Variants in PDE10A observed in about 807,000 individuals in gnomAD.
PDE10A encodes the protein phosphodiesterase 10A.
PDE10A carries 39 observed loss-of-function variants against 97.7 expected under a neutral mutation model. The ratio of observed to expected loss-of-function variants is 0.40; its 90% CI spans 0.31 to 0.52. The LOEUF is 0.52. PDE10A is among the 20% of genes least tolerant of loss of function. The pLI is 0.56. For synonymous variants in PDE10A, 371 were observed against 376.8 expected, an observed-to-expected ratio of 0.98 and a Z score of 0.18; for missense variants, 731 against 1,047.8, an observed-to-expected ratio of 0.70 and a Z score of 4.17.
intron 1 of PDE10A, among the ~76,000 whole-genome samples, chr6:165,872,118 G>C (rs547606237): frequency 3.7e-4 from 56 of 152,242 alleles, no homozygotes; most frequent in South Asian, 4.2e-4. Context: ...GCCAGTTAGA[G>C]CATGCCTTTA....
chr6:165,502,419 G>A (rs1780944367), intron 2 of PDE10A, among the ~76,000 whole-genome samples: 1 of 152,110 alleles, frequency 6.6e-6, no homozygotes. Context: ...ATACTAAGAG[G>A]ATGAATACTC....
intron 1 of PDE10A, among the ~76,000 whole-genome samples, chr6:165,966,656 AT>A: frequency 6.6e-6 from 1 of 152,198 alleles, no homozygotes; most frequent in Non-Finnish European, 1.5e-5. Flanking sequence ...CCTTGGTACA[AT>A]TTTTGCAAAG....
chr6:165,482,339 T>C lies in PDE10A; in HGVS notation c.999A>G (p.Glu333=), dbSNP rs1779653282. Residue 333 remains glutamate (E), a synonymous_variant, in exon 3 of 22, where the codon GAA becomes GAG. Transcript: ENST00000539869. ...LKRKNNKSED[E]SAPKEVSRYQ... ...CCCTGCTGACTTCCTTAGGAGCTGA[T>C]TCATCTGGGGATAGAGAAGGAAGAG... is the stretch of plus-strand genomic sequence containing the variant. 1 of 1,600,800 alleles carries C rather than the reference T, an allele frequency of 6.2e-7. No individual in the cohort carries two copies. The highest frequency in any genetic ancestry group is 8.6e-7 in the Non-Finnish European group (1 of 1,168,098).
chr6:165,607,785 G>A (rs781303512), intron 1 of PDE10A, among the ~76,000 whole-genome samples: 3 of 152,078 alleles, frequency 2.0e-5, no homozygotes, highest in Non-Finnish European at 4.4e-5. Context: ...GTGTTTAACA[G>A]CATCAACTTT....
Position 165,336,150 on chromosome 6 carries a change from G to A in PDE10A, c.3038C>T (p.Pro1013Leu). The change falls in exon 21 of 22, where the codon CCC becomes CTC. Residue 1013 changes from proline (P) to leucine (L), a missense_variant. This residue lies in a region of PDE10A where 96 missense variants were observed against 156.7 expected (regional missense o/e 0.61). Transcript: ENST00000539869. ...CYTTLTQILP[P>L]TEPLLKACRD... is the part of the protein sequence containing the mutation. ...GCATGCTTTCAGAAGAGGCTCCGTG[G>A]GAGGGAGGATCTGGGTAAGGGTTGT... is the stretch of plus-strand genomic sequence containing the variant. The A allele has an allele frequency of 6.2e-7, 1 of 1,613,712 alleles. No individual in the cohort carries two copies. Among genetic ancestry groups the A allele is most frequent in the South Asian group, 1.1e-5 (1 of 91,062 alleles).
At chr6:165,488,340 A>G (rs1008675990) in intron 2 of PDE10A, among the ~76,000 whole-genome samples, 5 of 152,240 alleles carry the variant, frequency 3.3e-5, no homozygotes, top group African/African-American at 9.6e-5. Flanking sequence ...AGGATAGTTT[A>G]TGGGAAAAAT....
chr6:165,341,433 TAC>T (rs1781961532), intron 19 of PDE10A, among the ~76,000 whole-genome samples: 1 of 152,220 alleles, frequency 6.6e-6, no homozygotes, highest in Non-Finnish European at 1.5e-5. Context: ...GAAATCATAT[TAC>T]AGTCTATAGT....
chr6:165,388,529 G>T lies in PDE10A; in HGVS notation c.2455-76C>A. 1.5e-6 allele frequency: 2 copies of T among 1,324,316 alleles called. No homozygotes were observed. Among genetic ancestry groups the T allele is most frequent in the Non-Finnish European group, 2.2e-6 (2 of 926,322 alleles). 82.0% of individuals were successfully genotyped at this position (1,324,316 alleles called of 1,614,324 possible). ...GAGCAGACTTACCGCTTACATTCAT[G>T]TCACATTACTTTCTGGCATTAATAT... On this transcript the variant is annotated intron_variant, in intron 16 of 21. Coordinates refer to ENST00000539869, the MANE Select transcript of PDE10A (RefSeq NM_001385079.1). The surrounding 1 kb of genome is among the most constrained non-coding windows in gnomAD (Gnocchi z 4.0).
chr6:165,529,115 T>G (rs985255044), intron 2 of PDE10A, among the ~76,000 whole-genome samples: 1 of 152,174 alleles, frequency 6.6e-6, no homozygotes, highest in Non-Finnish European at 1.5e-5. Context: ...ACAACAACGA[T>G]TCCATTAAAC....
intron 2 of PDE10A, among the ~76,000 whole-genome samples, chr6:165,498,504 C>G (rs1780683625): frequency 7.5e-6 from 1 of 133,820 alleles, no homozygotes; most frequent in East Asian, 2.4e-4. Context: ...AAAGTGTGAC[C>G]TGGTACTTTT....
intron 10 of PDE10A, among the ~76,000 whole-genome samples, chr6:165,425,770 C>CGTGTGTGT (rs57229720): frequency 0.23 from 33,212 of 143,882 alleles, 3,877 homozygotes; most frequent in East Asian, 0.35. Flanking sequence ...AAGGCATGAT[C>CGTGTGTGT]GTGTGTGTGT....
At chr6:165,823,167 A>G (rs1447935672) in intron 1 of PDE10A, among the ~76,000 whole-genome samples, 1 of 151,800 alleles carries the variant, frequency 6.6e-6, no homozygotes, top group Non-Finnish European at 1.5e-5. Context: ...GCCCTTGTCC[A>G]AAAGGGTCCA....
At position 165,662,999 on chromosome 6, in the gene PDE10A, C is replaced by A. The variant is rs1228336746; in HGVS notation, c.-188G>T. The stretch of plus-strand genomic sequence containing the variant: ...TTCACATTGTGCTCGGCTTGGGTTG[C>A]GGGAGGACCCGGGCCTGGGGGCCAG... On this transcript the variant is annotated 5_prime_UTR_variant, in exon 1 of 22. Transcript: ENST00000539869. Among the ~76,000 whole-genome samples, 2 of 151,200 alleles carry A rather than the reference C, an allele frequency of 1.3e-5. No homozygotes were observed. The highest frequency in any genetic ancestry group is 3.0e-5 in the Non-Finnish European group (2 of 67,692).
intron 1 of PDE10A, among the ~76,000 whole-genome samples, chr6:165,794,300 TCA>T (rs1354729677): frequency 6.8e-6 from 1 of 147,586 alleles, no homozygotes; most frequent in Admixed American, 6.7e-5. Context: ...CCTCCCACAC[TCA>T]CACACGCTCA....
At chr6:165,481,356 A>C (rs1225998587) in intron 3 of PDE10A, among the ~76,000 whole-genome samples, 1 of 152,172 alleles carries the variant, frequency 6.6e-6, no homozygotes, top group East Asian at 1.9e-4. Flanking sequence ...CAGAGACCTC[A>C]AGAGAATCCT....
intron 2 of PDE10A, among the ~76,000 whole-genome samples, chr6:165,485,794 A>T (rs1047493262): frequency 7.9e-5 from 12 of 151,774 alleles, no homozygotes; most frequent in African/African-American, 2.9e-4. Flanking sequence ...GGGTTTCATC[A>T]TGTTGGCCAG....
intron 1 of PDE10A, among the ~76,000 whole-genome samples, chr6:165,796,097 T>C (rs1371676740): frequency 9.8e-4 from 139 of 141,696 alleles, no homozygotes; most frequent in African/African-American, 2.5e-3. Context: ...TTTTCTTTTT[T>C]TTTTTTTTTT....
At chr6:165,592,056 T>C (rs1044863947) in intron 1 of PDE10A, among the ~76,000 whole-genome samples, 1 of 152,188 alleles carries the variant, frequency 6.6e-6, no homozygotes, top group Non-Finnish European at 1.5e-5. Flanking sequence ...CTTCAAACTA[T>C]ACTACAACGC....
rs111726214 is a variant in PDE10A at position 165,395,298 on chromosome 6, G to A, written c.2220-34C>T. ...TTAAAAGGGCAGTTTATCACTAAAC[G>A]TGATTAGAATAAACACAGTAAGTAA... is the stretch of plus-strand genomic sequence containing the variant. On this transcript the variant is annotated intron_variant, in intron 14 of 21. Transcript: ENST00000539869. 18 of 1,381,700 alleles carry A rather than the reference G, an allele frequency of 1.3e-5. No homozygotes were observed. The East Asian group carries it at 1.6e-4, about 12-fold the overall frequency. The allele number at this position is 1,381,700 out of a possible 1,614,324, so 85.6% of individuals were successfully genotyped here.
Sources: allele counts gnomAD v4.1 joint callset (sites outside exome capture counted in the v4.1 genomes callset), GRCh38; gene constraint gnomAD v4.1.1; regional missense constraint gnomAD v4.1.1; non-coding constraint Gnocchi (gnomAD v3.1); transcripts MANE v1.5; gene names NCBI Gene and HGNC (gene_info 2026-07-23, HGNC 2026-07-21).